The following COL14A1 variants were observed in gnomAD, a reference collection of about 807,000 sequenced individuals.
The protein encoded by COL14A1 is collagen alpha-1(XIV) chain.
COL14A1 carries 136 observed loss-of-function variants against 230.3 expected under a neutral mutation model. That is an observed-to-expected ratio of 0.59 (90% CI 0.51 to 0.68). COL14A1 has a LOEUF of 0.68. Among genes scored for constraint, COL14A1 ranks in the 30% least tolerant of loss-of-function variants. COL14A1 has a pLI of 0.00. For missense variants in COL14A1, 1,976 were observed against 2,215.8 expected (o/e 0.89, Z 2.17); for synonymous variants, 792 against 784.1 (o/e 1.01, Z -0.17).
intron 40 of COL14A1, among the ~76,000 whole-genome samples, chr8:120,329,578 G>C (rs6987036): frequency 0.41 from 63,021 of 151,960 alleles, 13,072 homozygotes; most frequent in South Asian, 0.45. Context: ...CTGCACTCCA[G>C]CCTGGGTGAC....
chr8:120,228,668 CA>C, intron 17 of COL14A1, 41 bp from the exon 18 acceptor site: 1 of 1,473,908 alleles, frequency 6.8e-7, no homozygotes, highest in South Asian at 1.1e-5. Flanking sequence ...GAAAAATGGA[CA>C]GTTGTTTTTG....
intron 20 of COL14A1, among the ~76,000 whole-genome samples, chr8:120,247,370 C>T (rs998332771): frequency 8.6e-5 from 13 of 151,410 alleles, no homozygotes; most frequent in African/African-American, 1.7e-4. Flanking sequence ...TTGCAGTGAG[C>T]GGAGATCGTG....
chr8:120,359,955 G>A (rs1010162682), intron 45 of COL14A1, among the ~76,000 whole-genome samples: 1 of 151,462 alleles, frequency 6.6e-6, no homozygotes, highest in Non-Finnish European at 1.5e-5. Context: ...CCTCCCTCTC[G>A]CTGCCCAAAT....
At chr8:120,139,353 G>T (rs59060195) in intron 1 of COL14A1, among the ~76,000 whole-genome samples, 1 of 151,996 alleles carries the variant, frequency 6.6e-6, no homozygotes, top group Non-Finnish European at 1.5e-5. Flanking sequence ...GAGTCAGGTC[G>T]CCCATGTCTT....
intron 28 of COL14A1, 33 bp downstream of exon 28, chr8:120,278,611 A>G: frequency 6.3e-7 from 1 of 1,591,346 alleles, no homozygotes; most frequent in African/African-American, 1.3e-5. Context: ...GCTACCAAAT[A>G]TGATGTTAGA....
rs577538199 is a variant in COL14A1 at position 120,281,388 on chromosome 8, T to G, written c.3824+329T>G. ...AGCAGCCTGGGCAACAAAATAAGAG[T>G]CTCTACAAAAACATAAAAATAAAAA... On this transcript the variant is annotated intron_variant, in intron 31 of 47. Transcript: ENST00000297848. Among the ~76,000 whole-genome samples, 5 of 151,192 alleles carry G rather than the reference T, an allele frequency of 3.3e-5. No homozygotes were observed. In the South Asian group the frequency reaches 1.0e-3, roughly 32 times the overall value.
intron 23 of COL14A1, among the ~76,000 whole-genome samples, chr8:120,257,301 C>T (rs915795999): frequency 6.6e-6 from 1 of 152,212 alleles, no homozygotes; most frequent in African/African-American, 2.4e-5. Context: ...GTTCAATGTA[C>T]TTCTCATCAA....
chr8:120,211,332 G>A (rs16893648), intron 12 of COL14A1, among the ~76,000 whole-genome samples: 1,550 of 152,230 alleles, frequency 0.01, 30 homozygotes, highest in African/African-American at 0.036. Flanking sequence ...CTGTCCTTAT[G>A]TATCAACATG....
At chr8:120,287,452 A>G (rs997961173) in intron 33 of COL14A1, among the ~76,000 whole-genome samples, 16 of 152,142 alleles carry the variant, frequency 1.1e-4, no homozygotes, top group Non-Finnish European at 1.3e-4. Flanking sequence ...ATTGTTTGGG[A>G]GATGAAAAGC....
In COL14A1 at chr8:120,235,318, T is replaced by G. The variant is rs1038683785; in HGVS notation, c.2349+3700T>G. On this transcript the variant is annotated intron_variant, in intron 19 of 47. Transcript: ENST00000297848. The stretch of plus-strand genomic sequence containing the variant: ...CCGAGTTGCTGGGACTACAGGCACC[T>G]CCCACCATGCCCGGCTAATTTTTGT... 1.1e-4 allele frequency among the ~76,000 whole-genome samples: 17 copies of G among 152,058 alleles called. No homozygotes were observed. In the South Asian group the frequency reaches 3.5e-3, roughly 32 times the overall value.
chr8:120,198,682 A>G (rs1403246771), intron 7 of COL14A1, among the ~76,000 whole-genome samples: 1 of 152,216 alleles, frequency 6.6e-6, no homozygotes, highest in Non-Finnish European at 1.5e-5. Flanking sequence ...ATCCAAAACG[A>G]TTCTGGTCTC....
At chr8:120,269,818 G>C (rs1346308573) in intron 25 of COL14A1, among the ~76,000 whole-genome samples, 1 of 151,712 alleles carries the variant, frequency 6.6e-6, no homozygotes, top group Non-Finnish European at 1.5e-5. Context: ...GATAATAGAA[G>C]CTTCTTAGTC....
chr8:120,358,517 C>A (rs11776868), intron 45 of COL14A1, among the ~76,000 whole-genome samples: 73,987 of 151,480 alleles, frequency 0.49, 19,163 homozygotes, highest in African/African-American at 0.68. Context: ...GATATTGTGC[C>A]TCAATCCTGA....
Position 120,207,102 on chromosome 8 carries a change from GGA to G in COL14A1, c.1191+14_1191+15del, listed in dbSNP as rs1459543054. On this transcript the variant is annotated intron_variant, in intron 10 of 47. Transcript: ENST00000297848. ...GGTGGAAAACCAGACGAGGTAATAAGGAGAGAGTATTTTCAAACCATTCTTTT... is the reference window on the plus strand; with the variant it reads ...GGTGGAAAACCAGACGAGGTAATAAGGAGAGTATTTTCAAACCATTCTTTT... 1 of 1,604,358 alleles carries G rather than the reference GGA, an allele frequency of 6.2e-7. No homozygotes were observed. Among genetic ancestry groups the G allele is most frequent in the African/African-American group, 1.3e-5 (1 of 74,314 alleles).
chr8:120,133,181 A>C (rs922953370), intron 1 of COL14A1, among the ~76,000 whole-genome samples: 1 of 151,436 alleles, frequency 6.6e-6, no homozygotes, highest in Non-Finnish European at 1.5e-5. Flanking sequence ...GCGCCACTGC[A>C]CTCCAGCCTG....
At chr8:120,332,437 T>G (rs1821902374) in intron 41 of COL14A1, among the ~76,000 whole-genome samples, 1 of 152,110 alleles carries the variant, frequency 6.6e-6, no homozygotes, top group Non-Finnish European at 1.5e-5. Context: ...TTTTATTAAA[T>G]CACAACTAAG....
intron 1 of COL14A1, among the ~76,000 whole-genome samples, chr8:120,132,791 A>G (rs1421084980): frequency 6.6e-6 from 1 of 152,216 alleles, no homozygotes; most frequent in Admixed American, 6.5e-5. Context: ...TACAGGAATT[A>G]TGAATAAAAC....
Position 120,250,801 on chromosome 8 carries a change from G to A in COL14A1, c.2752+35G>A, listed in dbSNP as rs757179111. ...ATTTCCGATGGCCTCAGCCGCATAT[G>A]GGTTTTTGTTTTGTTTTGTTTTTTG... On this transcript the variant is annotated intron_variant, in intron 22 of 47. Coordinates refer to ENST00000297848, the MANE Select transcript of COL14A1 (RefSeq NM_021110.4). 2.5e-6 allele frequency: 4 copies of A among 1,610,664 alleles called. No homozygotes were observed. The South Asian group carries it at 4.4e-5, about 18-fold the overall frequency.
chr8:120,225,456 AATGT>A (rs1818066241), intron 15 of COL14A1, among the ~76,000 whole-genome samples: 1 of 152,202 alleles, frequency 6.6e-6, no homozygotes, highest in South Asian at 2.1e-4. Flanking sequence ...TTTTTAAAAA[AATGT>A]ATGTTTTTCT....
Sources: allele counts gnomAD v4.1 joint callset (sites outside exome capture counted in the v4.1 genomes callset), GRCh38; gene constraint gnomAD v4.1.1; transcripts MANE v1.5; gene names NCBI Gene and HGNC (gene_info 2026-07-23, HGNC 2026-07-21).